GSTP1: variants seen among roughly 807,000 people sequenced by gnomAD.
The protein encoded by GSTP1 is glutathione S-transferase P.
A neutral mutation model predicts 29.4 loss-of-function variants in GSTP1; 28 were observed. That is an observed-to-expected ratio of 0.95 (90% confidence interval 0.71 to 1.30). The LOEUF is 1.30. Ranked by LOEUF, GSTP1 falls within the 50% of genes most tolerant of loss-of-function variation. The probability of loss-of-function intolerance (pLI) is 0.00; values close to 1 mark genes in which losing one functional copy is unlikely to be tolerated. For synonymous variants in GSTP1, 122 were observed against 117.0 expected, an observed-to-expected ratio of 1.04 and a Z score of -0.28; for missense variants, 267 against 266.1, an observed-to-expected ratio of 1.00 and a Z score of -0.02.
intron 5 of GSTP1, 139 bp downstream of exon 5, chr11:67,585,380 C>A: frequency 1.6e-6 from 1 of 606,128 alleles, no homozygotes; most frequent in South Asian, 2.0e-5. Flanking sequence ...CAGCTCTGGG[C>A]CAGGGGCCCA....
chr11:67,584,634 G>C, intron 3 of GSTP1, 51 bp from the exon 4 acceptor site: 2 of 1,575,242 alleles, frequency 1.3e-6, no homozygotes, highest in Non-Finnish European at 1.7e-6. Context: ...GACTAGGATC[G>C]GGGGACGCCC....
At chr11:67,585,698 T>C (rs896723341) in intron 5 of GSTP1, among the ~76,000 whole-genome samples, 30 of 149,734 alleles carry the variant, frequency 2.0e-4, no homozygotes, top group Admixed American at 1.7e-3. Flanking sequence ...CGTGTGTGTG[T>C]GTACGCTTGC....
At chr11:67,585,633 C>T (rs1867454162) in intron 5 of GSTP1, among the ~76,000 whole-genome samples, 1 of 152,032 alleles carries the variant, frequency 6.6e-6, no homozygotes. Flanking sequence ...CATTTGGGGA[C>T]CTGGGACCAG....
intron 4 of GSTP1, 135 bp downstream of exon 4, chr11:67,584,907 C>A: frequency 1.3e-6 from 1 of 741,524 alleles, no homozygotes; most frequent in Non-Finnish European, 2.3e-6. Context: ...GTAGTTTGCC[C>A]AAGGTCAAGC....
chr11:67,585,533 G>C (rs1867453337), intron 5 of GSTP1, among the ~76,000 whole-genome samples: 1 of 152,222 alleles, frequency 6.6e-6, no homozygotes, highest in South Asian at 2.1e-4. Flanking sequence ...GGGCTTCCTG[G>C]AGTAGCCAGA....
chr11:67,586,248 C>A, intron 6 of GSTP1, 37 bp downstream of exon 6: 1 of 1,550,516 alleles, frequency 6.4e-7, no homozygotes, highest in Non-Finnish European at 8.9e-7. Context: ...TTCCTCGCCA[C>A]CCTCTGCTTC....
At chr11:67,585,449 TAACG>T (rs1867451993) in intron 5 of GSTP1, among the ~76,000 whole-genome samples, 1 of 152,096 alleles carries the variant, frequency 6.6e-6, no homozygotes, top group Non-Finnish European at 1.5e-5. Flanking sequence ...ACCAGCCAAG[TAACG>T]GGTCATGGGG....
At position 67,586,388 on chromosome 11, in the gene GSTP1, G is replaced by C; in HGVS notation, c.445-1G>C. 6.2e-7 allele frequency: 1 copy of C among 1,611,844 alleles called. No homozygotes were observed. The highest frequency in any genetic ancestry group is 8.5e-7 in the Non-Finnish European group (1 of 1,178,644). ...GAGTCCCTGGCCCCCCTGCCCTGCA[G>C]ATCTCCTTCGCTGACTACAACCTGC... On this transcript the variant is annotated splice_acceptor_variant, in intron 6 of 6. Transcript: ENST00000398606. LOFTEE classifies it high-confidence loss of function.
At position 67,584,680 on chromosome 11, in the gene GSTP1, A is replaced by T; in HGVS notation, c.145-5A>T. ...CCCCTCCCTGAGCCATGCCTCCCCCAACAGCTATACGGGCAGCTCCCCAAG... is the reference window on the plus strand; with the variant it reads ...CCCCTCCCTGAGCCATGCCTCCCCCTACAGCTATACGGGCAGCTCCCCAAG... On this transcript the variant is annotated splice_polypyrimidine_tract_variant and splice_region_variant and intron_variant, in intron 3 of 6. Coordinates refer to ENST00000398606, the MANE Select transcript of GSTP1 (RefSeq NM_000852.4). The T allele has an allele frequency of 1.2e-6, 2 of 1,612,676 alleles. No homozygotes were observed. The highest frequency in any genetic ancestry group is 2.2e-5 in the East Asian group (1 of 44,874).
In GSTP1 at chr11:67,586,479, G is replaced by C. The variant is rs753365034; in HGVS notation, c.535G>C (p.Ala179Pro). The C allele has an allele frequency of 7.4e-6, 12 of 1,614,174 alleles. No individual in the cohort carries two copies. Among genetic ancestry groups the C allele is most frequent in the Middle Eastern group, 1.7e-4 (1 of 6,060 alleles). Reference protein sequence around the residue: ...GCLDAFPLLSAYVGRLSARPK... With the variant: ...GCLDAFPLLSPYVGRLSARPK... ...CCTGGATGCGTTCCCCCTGCTCTCA[G>C]CATATGTGGGGCGCCTCAGTGCCCG... Residue 179 changes from alanine (A) to proline (P), a missense_variant, in exon 7 of 7, where the codon GCA becomes CCA. Physicochemically the swap from Ala to Pro is conservative, Grantham distance 27. Coordinates refer to ENST00000398606, the MANE Select transcript of GSTP1 (RefSeq NM_000852.4).
Position 67,584,690 on chromosome 11 carries a change from C to G in GSTP1, c.150C>G (p.Tyr50Ter), listed in dbSNP as rs8191448. ...QEGSLKASCL[Y>*]GQLPKFQDGD... is the part of the protein sequence containing the mutation. ...AGCCATGCCTCCCCCAACAGCTATA[C>G]GGGCAGCTCCCCAAGTTCCAGGACG... The change falls in exon 4 of 7, where the codon TAC (tyrosine) becomes TAG (stop). Residue 50 changes from tyrosine (Y) to a stop codon, truncating the protein, a stop_gained. Coordinates refer to ENST00000398606, the MANE Select transcript of GSTP1 (RefSeq NM_000852.4). LOFTEE classifies it high-confidence loss of function. 3 of 1,613,110 alleles carry G rather than the reference C, an allele frequency of 1.9e-6. No homozygotes were observed. Among genetic ancestry groups the G allele is most frequent in the East Asian group, 2.2e-5 (1 of 44,892 alleles).
chr11:67,586,235 TC>T (rs751978352), intron 6 of GSTP1, 24 bp downstream of exon 6: 2 of 1,573,730 alleles, frequency 1.3e-6, no homozygotes, highest in Middle Eastern at 1.7e-4. Flanking sequence ...CCCATGCTGT[TC>T]CTTCCTCGCC....
rs563603340 is a variant in GSTP1, at chr11:67,585,240, A to T, written c.335A>T (p.Tyr112Phe). 1.3e-6 allele frequency: 2 copies of T among 1,579,438 alleles called. No homozygotes were observed. The highest frequency in any genetic ancestry group is 1.1e-5 in the South Asian group (1 of 90,382). The change falls in exon 5 of 7, where the codon TAT becomes TTT. Residue 112 changes from tyrosine (Y) to phenylalanine (F), a missense_variant and splice_region_variant. Transcript: ENST00000398606. ...TACATCTCCCTCATCTACACCAACT[A>T]TGTGAGCATCTGCACCAGGGTTGGG... ...CKYISLIYTN[Y>F]EAGKDDYVKA...
Position 67,585,229 on chromosome 11 carries a change from C to T in GSTP1, c.324C>T (p.Ile108=), listed in dbSNP as rs748593812. 5 of 1,601,310 alleles carry T rather than the reference C, an allele frequency of 3.1e-6. No individual in the cohort carries two copies. The South Asian group carries it at 3.3e-5, about 11-fold the overall frequency. Residue 108 remains isoleucine (I), a synonymous_variant, in exon 5 of 7, where the codon ATC becomes ATT. Transcript: ENST00000398606. The part of the protein sequence containing the change: ...EDLRCKYISL[I]YTNYEAGKDD... ...TCCGCTGCAAATACATCTCCCTCATCTACACCAACTATGTGAGCATCTGCA... is the reference window on the plus strand; with the variant it reads ...TCCGCTGCAAATACATCTCCCTCATTTACACCAACTATGTGAGCATCTGCA...
At chr11:67,584,102 G>A (rs752778876) in intron 1 of GSTP1, 32 bp from the exon 2 acceptor site, 2 of 1,595,538 alleles carry the variant, frequency 1.3e-6, no homozygotes, top group South Asian at 2.2e-5. Flanking sequence ...TCCTCCCCCG[G>A]GCTCCAGCAA....
intron 5 of GSTP1, 106 bp from the exon 6 acceptor site, chr11:67,585,998 C>T: frequency 1.3e-6 from 1 of 765,068 alleles, no homozygotes; most frequent in Admixed American, 2.2e-5. Context: ...TTGTGGGGAG[C>T]AAGCAGAGGA....
chr11:67,586,428 A>C lies in GSTP1; in HGVS notation c.484A>C (p.Ile162Leu), dbSNP rs201449696. 5.0e-6 allele frequency: 8 copies of C among 1,614,092 alleles called. No homozygotes were observed. The African/African-American group carries it at 6.7e-5, about 13-fold the overall frequency. The change falls in exon 7 of 7, where the codon ATC becomes CTC. Residue 162 changes from isoleucine (I) to leucine (L), a missense_variant. Ile to Leu is a conservative substitution (Grantham distance 5, BLOSUM62 2). Coordinates refer to ENST00000398606, the MANE Select transcript of GSTP1 (RefSeq NM_000852.4). ...ADYNLLDLLL[I>L]HEVLAPGCLD... ...CTACAACCTGCTGGACTTGCTGCTG[A>C]TCCATGAGGTCCTAGCCCCTGGCTG...
chr11:67,585,753 G>T (rs1262700464), intron 5 of GSTP1, among the ~76,000 whole-genome samples: 1 of 152,062 alleles, frequency 6.6e-6, no homozygotes, highest in Non-Finnish European at 1.5e-5. Flanking sequence ...CGGGCAGTAG[G>T]CCCAGGTCCC....
At chr11:67,586,236 C>A in intron 6 of GSTP1, 25 bp downstream of exon 6, 1 of 1,565,170 alleles carries the variant, frequency 6.4e-7, no homozygotes, top group Non-Finnish European at 8.8e-7. Context: ...CCATGCTGTT[C>A]CTTCCTCGCC....
Sources: gnomAD v4.1 joint callset for allele counts (sites outside exome capture counted in the v4.1 genomes callset) on GRCh38, gnomAD v4.1.1 for gene constraint, MANE v1.5 for transcripts, NCBI Gene and HGNC (gene_info 2026-07-23, HGNC 2026-07-21) for gene names.